Variants in GABRA5 observed in about 807,000 individuals in gnomAD.
The protein encoded by GABRA5 is gamma-aminobutyric acid receptor subunit alpha-5.
In GABRA5, 18 loss-of-function variants were observed where a neutral mutation model predicts 47.3. The observed-to-expected ratio is 0.38, with a 90% CI of 0.26 to 0.56. The LOEUF (loss-of-function observed/expected upper bound fraction) is 0.56. GABRA5 is among the 20% of genes least tolerant of loss of function. GABRA5 has a pLI of 0.71. For synonymous variants in GABRA5, 237 were observed against 229.3 expected (o/e 1.03, Z -0.30); for missense variants, 365 against 599.3 (o/e 0.61, Z 4.08).
intron 10 of GABRA5, 149 bp from the exon 11 acceptor site, chr15:26,947,785 C>T: frequency 3.0e-6 from 2 of 658,732 alleles, no homozygotes; most frequent in Non-Finnish European, 5.3e-6. Context: ...GCCCTGTCTG[C>T]AGGCTACCTG....
At chr15:26,930,802 A>G (rs1466756535) in intron 7 of GABRA5, among the ~76,000 whole-genome samples, 1 of 151,716 alleles carries the variant, frequency 6.6e-6, no homozygotes, top group Non-Finnish European at 1.5e-5. Context: ...TCCACATTTC[A>G]AGGTATTTGT....
chr15:26,869,418 G>A, intron 3 of GABRA5, 84 bp downstream of exon 3: 1 of 841,542 alleles, frequency 1.2e-6, no homozygotes, highest in Non-Finnish European at 2.1e-6. Flanking sequence ...CACATCCATT[G>A]AGCAAGTCCT....
chr15:26,892,753 G>A (rs1039738506), intron 6 of GABRA5, among the ~76,000 whole-genome samples: 7 of 152,200 alleles, frequency 4.6e-5, no homozygotes, highest in African/African-American at 1.7e-4. Context: ...CATTCACATG[G>A]AGAAGAAGAG....
intron 6 of GABRA5, among the ~76,000 whole-genome samples, chr15:26,903,106 A>G (rs183171348): frequency 6.6e-6 from 1 of 151,960 alleles, no homozygotes; most frequent in African/African-American, 2.4e-5. Context: ...CCTCTCCCTC[A>G]TCCCACCCTC....
chr15:26,889,859 GTT>G (rs1892963676), intron 6 of GABRA5, among the ~76,000 whole-genome samples: 2 of 152,182 alleles, frequency 1.3e-5, no homozygotes, highest in Admixed American at 1.3e-4. Flanking sequence ...TGTGTATCAT[GTT>G]TATGTGTCCC....
intron 4 of GABRA5, among the ~76,000 whole-genome samples, chr15:26,882,113 A>G (rs2140254146): frequency 6.6e-6 from 1 of 152,310 alleles, no homozygotes; most frequent in South Asian, 2.1e-4. Flanking sequence ...TTATGTTCCT[A>G]GGCCTGTGTG....
At position 26,906,127 on chromosome 15, in the gene GABRA5, T is replaced by TTTTGTTTGTTTG. The variant is rs71285063; in HGVS notation, c.498-8672_498-8661dup. Among the ~76,000 whole-genome samples, 119 of 151,182 alleles carry TTTTGTTTGTTTG rather than the reference T, an allele frequency of 7.9e-4. No homozygotes were observed. The East Asian group carries it at 0.017, about 22-fold the overall frequency. ...TATATTCTCCCATGTCCATAGTGGTTTTTGTTTGTTTGTTTATGCCTGTTG... is the reference window on the plus strand; with the variant it reads ...TATATTCTCCCATGTCCATAGTGGTTTTTGTTTGTTTGTTTGTTTGTTTGTTTATGCCTGTTG... On this transcript the variant is annotated intron_variant, in intron 6 of 10. Coordinates refer to ENST00000335625, the MANE Select transcript of GABRA5 (RefSeq NM_000810.4).
At chr15:26,874,044 C>T (rs898731213) in intron 3 of GABRA5, among the ~76,000 whole-genome samples, 36 of 152,208 alleles carry the variant, frequency 2.4e-4, no homozygotes, top group African/African-American at 7.7e-4. Flanking sequence ...CGCAGCTCTC[C>T]GCCAAGACTG....
At position 26,883,261 on chromosome 15, in the gene GABRA5, C is replaced by T. The variant is rs978338346; in HGVS notation, c.276+28C>T. ...AGGTCCCGGGGCATGGCTGGGCAGA[C>T]AATTCTTACTCCGCGCCGCAGGCCC... On this transcript the variant is annotated intron_variant, in intron 5 of 10. Coordinates refer to ENST00000335625, the MANE Select transcript of GABRA5 (RefSeq NM_000810.4). The surrounding 1 kb of genome is among the most constrained non-coding windows in gnomAD (Gnocchi z 4.8). 6.2e-7 allele frequency: 1 copy of T among 1,612,720 alleles called. No individual in the cohort carries two copies. Among genetic ancestry groups the T allele is most frequent in the Non-Finnish European group, 8.5e-7 (1 of 1,178,734 alleles).
At chr15:26,922,836 C>A (rs1244716763) in intron 7 of GABRA5, among the ~76,000 whole-genome samples, 1 of 152,200 alleles carries the variant, frequency 6.6e-6, no homozygotes, top group Non-Finnish European at 1.5e-5. Flanking sequence ...TCATAGCACA[C>A]TGCAGCCTCA....
In GABRA5 at chr15:26,914,737, G is replaced by A. The variant is rs1415204790; in HGVS notation, c.498-66G>A. 1.7e-5 allele frequency: 21 copies of A among 1,238,590 alleles called. No individual in the cohort carries two copies. The Admixed American group carries it at 2.0e-4, about 12-fold the overall frequency. The allele number at this position is 1,238,590 out of a possible 1,614,324, so 76.7% of individuals were successfully genotyped here. On this transcript the variant is annotated intron_variant, in intron 6 of 10. Transcript: ENST00000335625. ...TACTTAATATGGCTTTCTGGGACACGATGGTGGCTCAGTGAATGGCTAGAG... is the reference window on the plus strand; with the variant it reads ...TACTTAATATGGCTTTCTGGGACACAATGGTGGCTCAGTGAATGGCTAGAG...
intron 3 of GABRA5, among the ~76,000 whole-genome samples, chr15:26,870,677 G>A (rs544142235): frequency 4.1e-4 from 62 of 152,152 alleles, no homozygotes; most frequent in African/African-American, 1.4e-3. Flanking sequence ...TTAAATGAAT[G>A]TTTTCCTTTA....
At chr15:26,884,236 A>G (rs1323827648) in intron 6 of GABRA5, among the ~76,000 whole-genome samples, 1 of 152,028 alleles carries the variant, frequency 6.6e-6, no homozygotes, top group Admixed American at 6.6e-5. Context: ...CTTTTGTTGC[A>G]ATTGTGTAGC....
intron 3 of GABRA5, among the ~76,000 whole-genome samples, chr15:26,870,528 G>A (rs915344735): frequency 1.6e-4 from 24 of 152,192 alleles, no homozygotes; most frequent in Non-Finnish European, 2.6e-4. Flanking sequence ...CCACACTGAC[G>A]GGAACAGGTG....
chr15:26,896,949 T>A (rs1893208336), intron 6 of GABRA5, among the ~76,000 whole-genome samples: 2 of 16,378 alleles, frequency 1.2e-4, no homozygotes, highest in Admixed American at 1.2e-3. Flanking sequence ...AATCTCTACA[T>A]CTTACAGATG....
At chr15:26,922,731 T>C (rs1305544530) in intron 7 of GABRA5, among the ~76,000 whole-genome samples, 1 of 152,228 alleles carries the variant, frequency 6.6e-6, no homozygotes, top group Non-Finnish European at 1.5e-5. Context: ...TATAGCTTTT[T>C]CAGTGGTTCT....
At position 26,937,135 on chromosome 15, in the gene GABRA5, G is replaced by T. The variant is rs372141813; in HGVS notation, c.581-50G>T. Reference sequence around the variant, plus strand: ...TAGTAAAAGCTTCTGTGTTTTCCAGGCTGGGAATGATTTCATGTTTATGTC... The same window carrying T: ...TAGTAAAAGCTTCTGTGTTTTCCAGTCTGGGAATGATTTCATGTTTATGTC... On this transcript the variant is annotated intron_variant, in intron 7 of 10. Transcript: ENST00000335625. 21 of 1,602,976 alleles carry T rather than the reference G, an allele frequency of 1.3e-5. 1 individual carries two copies. Among genetic ancestry groups the T allele is most frequent in the Non-Finnish European group, 1.5e-5 (18 of 1,170,224 alleles).
intron 6 of GABRA5, among the ~76,000 whole-genome samples, chr15:26,885,878 G>A (rs1199751422): frequency 2.0e-5 from 3 of 152,180 alleles, no homozygotes; most frequent in African/African-American, 7.2e-5. Context: ...GGGGATGCCT[G>A]TGTTCTGCTC....
intron 8 of GABRA5, chr15:26,939,627 T>C (rs1894337660): frequency 3.3e-6 from 2 of 598,890 alleles, no homozygotes; most frequent in African/African-American, 1.9e-5. Flanking sequence ...GGCGAGGGAG[T>C]GGGGGGAGAG....
Sources: allele counts gnomAD v4.1 joint callset (sites outside exome capture counted in the v4.1 genomes callset), GRCh38; gene constraint gnomAD v4.1.1; non-coding constraint Gnocchi (gnomAD v3.1); transcripts MANE v1.5; gene names NCBI Gene and HGNC (gene_info 2026-07-23, HGNC 2026-07-21).